Variants in OC90 observed in about 807,000 individuals in gnomAD.
OC90 encodes the protein otoconin-90.
A neutral mutation model predicts 47.3 loss-of-function variants in OC90; 46 were observed. The ratio of observed to expected loss-of-function variants is 0.97; its 90% CI spans 0.77 to 1.24. OC90 has a LOEUF of 1.24. OC90 is among the 50% of genes most tolerant of loss of function. The pLI, the probability that OC90 is intolerant of heterozygous loss-of-function variation, is 0.00. For synonymous variants in OC90, 271 were observed against 219.5 expected (o/e 1.23, Z -2.07); for missense variants, 688 against 583.9 (o/e 1.18, Z -1.84).
chr8:132,036,107 G>A (rs142260047), intron 9 of OC90, among the ~76,000 whole-genome samples: 244 of 152,294 alleles, frequency 1.6e-3, no homozygotes, highest in African/African-American at 5.3e-3. Context: ...TGTTCTCTAT[G>A]AGCCACTATT....
At chr8:132,049,329 G>A (rs1823181622) in intron 2 of OC90, among the ~76,000 whole-genome samples, 1 of 152,098 alleles carries the variant, frequency 6.6e-6, no homozygotes, top group South Asian at 2.1e-4. Flanking sequence ...AGTAATCAAG[G>A]CTCTTGGGGA....
chr8:132,047,760 G>A (rs1823152795), intron 2 of OC90, among the ~76,000 whole-genome samples: 1 of 152,112 alleles, frequency 6.6e-6, no homozygotes, highest in African/African-American at 2.4e-5. Context: ...TATAAAAATT[G>A]TAAAACAGTA....
chr8:132,034,404 T>A (rs1822922933), intron 10 of OC90, among the ~76,000 whole-genome samples: 1 of 152,216 alleles, frequency 6.6e-6, no homozygotes, highest in African/African-American at 2.4e-5. Context: ...TAGCCATACA[T>A]CTAATCCAGG....
rs200431142 is a variant in OC90, at chr8:132,047,631, A to AT, written c.47-1749dup. On this transcript the variant is annotated intron_variant, in intron 2 of 13. Transcript: ENST00000254627. ...ACTATTTTAAATCTGTCAGTGGGAG[A>AT]TTTTAAAAAAATAAGCCACATTGCT... Among the ~76,000 whole-genome samples, 18 of 130,406 alleles carry AT rather than the reference A, an allele frequency of 1.4e-4. No individual in the cohort carries two copies. The East Asian group carries it at 3.8e-3, about 27-fold the overall frequency. 85.6% of individuals were successfully genotyped at this position (130,406 alleles called of 152,430 possible).
At chr8:132,058,962 T>A (rs1299951357) in intron 1 of OC90, among the ~76,000 whole-genome samples, 1 of 152,126 alleles carries the variant, frequency 6.6e-6, no homozygotes, top group Non-Finnish European at 1.5e-5. Flanking sequence ...CAGACAGCCC[T>A]GAGAGCATCC....
intron 6 of OC90, among the ~76,000 whole-genome samples, chr8:132,040,536 T>C (rs1404721071): frequency 1.3e-5 from 2 of 152,152 alleles, no homozygotes; most frequent in African/African-American, 4.8e-5. Context: ...TTCTGATTCT[T>C]ACTGGCAACC....
At chr8:132,038,657 G>C in intron 8 of OC90, 133 bp downstream of exon 8, 1 of 731,748 alleles carries the variant, frequency 1.4e-6, no homozygotes, top group Non-Finnish European at 2.4e-6. Flanking sequence ...AGCCAGAGAA[G>C]GCAGGACCAC....
At chr8:132,055,699 G>A (rs753460216) in intron 1 of OC90, among the ~76,000 whole-genome samples, 2 of 152,142 alleles carry the variant, frequency 1.3e-5, no homozygotes, top group Non-Finnish European at 2.9e-5. Flanking sequence ...CGGCTTTTGA[G>A]TATTTCGAAT....
Position 132,024,577 on chromosome 8 carries a change from G to C in OC90, c.1338C>G (p.Ser446Arg). 1 of 1,613,204 alleles carries C rather than the reference G, an allele frequency of 6.2e-7. No homozygotes were observed. The highest frequency in any genetic ancestry group is 8.5e-7 in the Non-Finnish European group (1 of 1,179,482). ...GGTCCTCCTGTGGAGGGTCCTCCTC[G>C]CTGTCCTCCTCAGAGCTGGAGCCCA... Reference protein sequence around the residue: ...PTLGSSSEEDSEEDPPQEDLG... With the variant: ...PTLGSSSEEDREEDPPQEDLG... Residue 446 changes from serine (S) to arginine (R), a missense_variant, in exon 14 of 14, where the codon AGC (serine) becomes AGG (arginine). Physicochemically the swap from Ser to Arg is moderately radical, Grantham distance 110. Transcript: ENST00000254627.
intron 4 of OC90, among the ~76,000 whole-genome samples, chr8:132,042,775 C>T (rs143084790): frequency 1.3e-5 from 2 of 152,166 alleles, no homozygotes; most frequent in Non-Finnish European, 2.9e-5. Context: ...CAACAGATGG[C>T]GAGGCTGCAA....
chr8:132,028,803 G>GAAAGAA (rs71306367), intron 13 of OC90, among the ~76,000 whole-genome samples: 98,469 of 135,226 alleles, frequency 0.73, 35,674 homozygotes, highest in East Asian at 0.77. Flanking sequence ...AAGAAGGAAA[G>GAAAGAA]AAAGAAAGAA....
chr8:132,034,377 C>T (rs1822922445), intron 10 of OC90, among the ~76,000 whole-genome samples: 1 of 152,198 alleles, frequency 6.6e-6, no homozygotes, highest in South Asian at 2.1e-4. Context: ...ATCAGAACTG[C>T]TCAGTGAATG....
intron 13 of OC90, among the ~76,000 whole-genome samples, chr8:132,028,526 AAAAGAAAGAAAG>A (rs372685836): frequency 2.5e-4 from 22 of 87,548 alleles, no homozygotes; most frequent in South Asian, 9.7e-4. Context: ...AGAAAGAAAG[AAAAGAAAGAAAG>A]AAAGAAAGAA....
At chr8:132,035,533 A>T (rs980109117) in intron 9 of OC90, among the ~76,000 whole-genome samples, 1 of 152,244 alleles carries the variant, frequency 6.6e-6, no homozygotes, top group African/African-American at 2.4e-5. Context: ...ACACGAAAAA[A>T]TGTTAGAGAT....
At chr8:132,049,353 A>G (rs1381835816) in intron 2 of OC90, among the ~76,000 whole-genome samples, 3 of 152,202 alleles carry the variant, frequency 2.0e-5, no homozygotes, top group African/African-American at 7.2e-5. Context: ...AGCCCAGCCT[A>G]GTGATCATGG....
intron 12 of OC90, 136 bp from the exon 13 acceptor site, chr8:132,029,315 GA>G (rs1447186225): frequency 1.5e-6 from 1 of 684,906 alleles, no homozygotes; most frequent in African/African-American, 1.8e-5. Flanking sequence ...ACACAGGGCT[GA>G]CTCATATACA....
At chr8:132,036,037 T>C (rs921707351) in intron 9 of OC90, among the ~76,000 whole-genome samples, 2 of 152,162 alleles carry the variant, frequency 1.3e-5, no homozygotes, top group Non-Finnish European at 2.9e-5. Flanking sequence ...AAAAGCAGAG[T>C]AAATGGTTAG....
chr8:132,024,590 G>A lies in OC90; in HGVS notation c.1325C>T (p.Ser442Phe). ...AGGGTCCTCCTCGCTGTCCTCCTCA[G>A]AGCTGGAGCCCAGGGTGGGGGCTGC... Reference protein sequence around the residue: ...VPAAPTLGSSSEEDSEEDPPQ... With the variant: ...VPAAPTLGSSFEEDSEEDPPQ... The change falls in exon 14 of 14, where the codon TCT (serine) becomes TTT (phenylalanine). Residue 442 changes from serine to phenylalanine, a missense_variant. Ser to Phe is a radical substitution (Grantham distance 155, BLOSUM62 -2). Transcript: ENST00000254627. 1 of 1,613,668 alleles carries A rather than the reference G, an allele frequency of 6.2e-7. No individual in the cohort carries two copies. Among genetic ancestry groups the A allele is most frequent in the Non-Finnish European group, 8.5e-7 (1 of 1,179,760 alleles).
Position 132,041,136 on chromosome 8 carries a change from CT to C in OC90, c.364del (p.Arg122GlyfsTer49), listed in dbSNP as rs1823047493. On this transcript the variant is annotated frameshift_variant, in exon 6 of 14. Coordinates refer to ENST00000254627, the MANE Select transcript of OC90 (RefSeq NM_001080399.3). LOFTEE classifies it high-confidence loss of function. ...ESDSCCFQHR[R>X]CYEEAAEMDC... ...CATCTCAGCGGCCTCCTCATAGCACCTGCGGTGCTGGAAGCAGCAGCTGTAG... is the reference window on the plus strand; with the variant it reads ...CATCTCAGCGGCCTCCTCATAGCACCGCGGTGCTGGAAGCAGCAGCTGTAG... 1 of 1,613,476 alleles carries C rather than the reference CT, an allele frequency of 6.2e-7. No individual in the cohort carries two copies. Among genetic ancestry groups the C allele is most frequent in the East Asian group, 2.2e-5 (1 of 44,870 alleles).
Sources: allele counts gnomAD v4.1 joint callset (sites outside exome capture counted in the v4.1 genomes callset), GRCh38; gene constraint gnomAD v4.1.1; transcripts MANE v1.5; gene names NCBI Gene and HGNC (gene_info 2026-07-23, HGNC 2026-07-21).